The following KIF21A variants were observed in gnomAD, a reference collection of about 807,000 sequenced individuals.
KIF21A encodes kinesin-like protein KIF21A.
In KIF21A, 114 loss-of-function variants were observed where a neutral mutation model predicts 202.9. The observed-to-expected ratio is 0.56, with a 90% confidence interval of 0.48 to 0.66. KIF21A has a LOEUF of 0.66. Ranked by LOEUF, KIF21A falls within the 30% of genes least tolerant of loss-of-function variation. The probability of loss-of-function intolerance (pLI) is 0.00; values close to 1 mark genes in which losing one functional copy is unlikely to be tolerated. For missense variants in KIF21A, 1,677 were observed against 1,994.9 expected (o/e 0.84, Z 3.04); for synonymous variants, 667 against 670.8 (o/e 0.99, Z 0.09).
In KIF21A at chr12:39,311,452, T is replaced by G; in HGVS notation, c.4061A>C (p.Asp1354Ala). Residue 1354 changes from aspartate to alanine, a missense_variant, in exon 32 of 38, where the codon GAT becomes GCT. Around this residue, in one of 3 missense-constraint regions of KIF21A, gnomAD observed 705 missense variants for 791.9 expected, o/e 0.89. Coordinates refer to ENST00000361418, the MANE Select transcript of KIF21A (RefSeq NM_001173464.2). ...AGTGAAGAGGAGATCATCAGTAGAA[T>G]CCACACAGAGCACAGCTTTTGTATG... is the stretch of plus-strand genomic sequence containing the variant. ...EGHTKAVLCV[D>A]STDDLLFTGS... The G allele has an allele frequency of 6.2e-7, 1 of 1,613,146 alleles. No homozygotes were observed. The highest frequency in any genetic ancestry group is 8.5e-7 in the Non-Finnish European group (1 of 1,179,246).
At chr12:39,416,322 G>A (rs1352722523) in intron 1 of KIF21A, among the ~76,000 whole-genome samples, 3 of 152,174 alleles carry the variant, frequency 2.0e-5, no homozygotes, top group Middle Eastern at 3.4e-3. Flanking sequence ...ACAGCCGAGC[G>A]TGGTGGTTCA....
chr12:39,326,377 G>A, intron 24 of KIF21A, 53 bp from the exon 25 acceptor site: 2 of 1,227,632 alleles, frequency 1.6e-6, no homozygotes, highest in Non-Finnish European at 2.4e-6. Context: ...CAGTTTGAAT[G>A]GTGACTGCAA....
chr12:39,333,263 C>T lies in KIF21A; in HGVS notation c.2436G>A (p.Leu812=), dbSNP rs1333073662. 6.2e-7 allele frequency: 1 copy of T among 1,610,266 alleles called. No homozygotes were observed. The highest frequency in any genetic ancestry group is 1.1e-5 in the South Asian group (1 of 90,988). ...QRKRDHQLRL[L]EAQKRNQEVV... Reference sequence around the variant, plus strand: ...CTTCTTGGTTTCTTTTTTGGGCTTCCAGAAGTCTAAGTTGATGCTATAAAA... The same window carrying T: ...CTTCTTGGTTTCTTTTTTGGGCTTCTAGAAGTCTAAGTTGATGCTATAAAA... The change falls in exon 18 of 38, where the codon CTG becomes CTA. Residue 812 remains leucine, a synonymous_variant. Coordinates refer to ENST00000361418, the MANE Select transcript of KIF21A (RefSeq NM_001173464.2).
intron 1 of KIF21A, among the ~76,000 whole-genome samples, chr12:39,416,715 G>GTATATATATATGTACATATATGTGTA (rs35740569): frequency 4.0e-5 from 3 of 74,302 alleles, no homozygotes; most frequent in African/African-American, 1.5e-4. Context: ...ATATATGTGT[G>GTATATATATATGTACATATATGTGTA]TATATATGTA....
In KIF21A at chr12:39,400,936, G is replaced by C. The variant is rs572685821; in HGVS notation, c.45-30675C>G. 5.8e-4 allele frequency among the ~76,000 whole-genome samples: 88 copies of C among 152,194 alleles called. 1 individual carries two copies. Among genetic ancestry groups the C allele is most frequent in the African/African-American group, 2.0e-3 (83 of 41,542 alleles). On this transcript the variant is annotated intron_variant, in intron 1 of 37. Coordinates refer to ENST00000361418, the MANE Select transcript of KIF21A (RefSeq NM_001173464.2). ...CATCTTCTGCTCAGGTTTCACAAAG[G>C]TTCCTAGAGACAAGTGATTTTTATA...
At chr12:39,416,765 ATATATATATGTACATATATATGTG>A (rs1566269992) in intron 1 of KIF21A, among the ~76,000 whole-genome samples, 4 of 75,640 alleles carry the variant, frequency 5.3e-5, no homozygotes, top group Non-Finnish European at 7.3e-5. Flanking sequence ...ATATATGTGT[ATATATATATGTACATATATATGTG>A]TATATATATG....
At chr12:39,297,435 TA>T (rs1942497176) in intron 37 of KIF21A, among the ~76,000 whole-genome samples, 1 of 152,006 alleles carries the variant, frequency 6.6e-6, no homozygotes, top group South Asian at 2.1e-4. Context: ...ATGTCCTTTG[TA>T]GGGACATGGA....
chr12:39,375,919 A>G (rs920270565), intron 1 of KIF21A, among the ~76,000 whole-genome samples: 4 of 152,120 alleles, frequency 2.6e-5, no homozygotes, highest in African/African-American at 9.7e-5. Flanking sequence ...CACAAATGAG[A>G]TACTATGAGA....
At chr12:39,329,928 AATATT>A in intron 24 of KIF21A, 1 of 260,788 alleles carries the variant, frequency 3.8e-6, no homozygotes, top group Admixed American at 5.0e-5. Context: ...ACGGAACATA[AATATT>A]ATGTTTTTCT....
intron 3 of KIF21A, among the ~76,000 whole-genome samples, chr12:39,368,555 A>G (rs908603711): frequency 5.9e-5 from 9 of 152,198 alleles, no homozygotes; most frequent in African/African-American, 2.2e-4. Flanking sequence ...GAGAATATAC[A>G]CACCTATTTT....
chr12:39,363,161 G>A lies in KIF21A; in HGVS notation c.956C>T (p.Thr319Ile). ...CTTGGAATCTCTATAGGGGACATGT[G>A]TGGCCCTCTTGCTCTTGTCTCCCAA... is the stretch of plus-strand genomic sequence containing the variant. ...SALGDKSKRA[T>I]HVPYRDSKLT... Residue 319 changes from threonine to isoleucine, a missense_variant, in exon 7 of 38, where the codon ACA becomes ATA. Thr to Ile is a moderately conservative substitution (Grantham distance 89, BLOSUM62 -1). Coordinates refer to ENST00000361418, the MANE Select transcript of KIF21A (RefSeq NM_001173464.2). The A allele has an allele frequency of 1.2e-6, 2 of 1,613,396 alleles. No individual in the cohort carries two copies. The highest frequency in any genetic ancestry group is 8.5e-7 in the Non-Finnish European group (1 of 1,179,548).
intron 16 of KIF21A, 200 bp from the exon 17 acceptor site, chr12:39,337,403 C>T (rs1947073391): frequency 3.6e-6 from 2 of 554,434 alleles, no homozygotes; most frequent in Admixed American, 6.3e-5. Context: ...TATTAAATTG[C>T]TTAGTATTCT....
intron 11 of KIF21A, among the ~76,000 whole-genome samples, chr12:39,347,336 AT>A (rs1675264647): frequency 6.6e-6 from 1 of 151,880 alleles, no homozygotes; most frequent in Non-Finnish European, 1.5e-5. Flanking sequence ...GGTTTTAAAG[AT>A]AAAGAATATT....
intron 10 of KIF21A, among the ~76,000 whole-genome samples, chr12:39,354,677 G>A (rs1948637549): frequency 6.6e-6 from 1 of 152,120 alleles, no homozygotes; most frequent in South Asian, 2.1e-4. Context: ...AGTTTAAAGA[G>A]CTGTGAATAA....
Position 39,344,680 on chromosome 12 carries a change from C to A in KIF21A, c.1712+1786G>T, listed in dbSNP as rs112072799. On this transcript the variant is annotated intron_variant, in intron 12 of 37. Coordinates refer to ENST00000361418, the MANE Select transcript of KIF21A (RefSeq NM_001173464.2). ...CTTCTGATGTGGAAAAATCAGCAGT[C>A]ATAACTTTACATTATTAATTTAAAG... Among the ~76,000 whole-genome samples the A allele has an allele frequency of 8.2e-3, 1,255 of 152,242 alleles. 18 individuals carry two copies. Among genetic ancestry groups the A allele is most frequent in the African/African-American group, 0.028 (1,181 of 41,554 alleles).
intron 1 of KIF21A, among the ~76,000 whole-genome samples, chr12:39,390,753 A>C (rs1357026010): frequency 6.6e-6 from 1 of 152,210 alleles, no homozygotes; most frequent in Non-Finnish European, 1.5e-5. Flanking sequence ...TATTGGAAAA[A>C]AACAACAATA....
chr12:39,396,434 G>T (rs961584704), intron 1 of KIF21A, among the ~76,000 whole-genome samples: 2 of 152,040 alleles, frequency 1.3e-5, no homozygotes, highest in Non-Finnish European at 2.9e-5. Flanking sequence ...AATAAATGTG[G>T]AAGTAAATGA....
intron 1 of KIF21A, among the ~76,000 whole-genome samples, chr12:39,387,683 A>G (rs146917405): frequency 5.0e-4 from 76 of 152,256 alleles, no homozygotes; most frequent in African/African-American, 1.8e-3. Context: ...TATGTGGGCC[A>G]TTAGTAGATG....
intron 11 of KIF21A, among the ~76,000 whole-genome samples, chr12:39,348,732 A>T (rs1948113034): frequency 6.6e-6 from 1 of 151,968 alleles, no homozygotes; most frequent in African/African-American, 2.4e-5. Context: ...CTGAATCCAA[A>T]GGTCAAACAA....
Sources: gnomAD v4.1 joint callset for allele counts (sites outside exome capture counted in the v4.1 genomes callset) on GRCh38, gnomAD v4.1.1 for gene constraint, gnomAD v4.1.1 regional missense constraint, MANE v1.5 for transcripts, NCBI Gene and HGNC (gene_info 2026-07-23, HGNC 2026-07-21) for gene names.